Variants in ETF1 observed in about 807,000 individuals in gnomAD.
ETF1 encodes the protein eukaryotic translation termination factor 1.
In ETF1, 4 loss-of-function variants were observed where a neutral mutation model predicts 55.1. The observed-to-expected ratio is 0.07, with a 90% CI of 0.04 to 0.17. ETF1 has a LOEUF of 0.17. Ranked by LOEUF, ETF1 falls within the 10% of genes least tolerant of loss-of-function variation. The probability of loss-of-function intolerance (pLI) is 1.00; values close to 1 mark genes in which losing one functional copy is unlikely to be tolerated. For synonymous variants in ETF1, 157 were observed against 182.3 expected (o/e 0.86, Z 1.12); for missense variants, 142 against 523.6 (o/e 0.27, Z 7.11).
In ETF1 at chr5:138,508,405, A is replaced by T. The variant is rs749160869; in HGVS notation, c.1232-18T>A. On this transcript the variant is annotated intron_variant, in intron 10 of 10. Transcript: ENST00000360541. ...CAAGATACCTGGGGAAACAAACCAAAAGGTAAATTACCTGTGTTCATGGGA... is the reference window on the plus strand; with the variant it reads ...CAAGATACCTGGGGAAACAAACCAATAGGTAAATTACCTGTGTTCATGGGA... The T allele has an allele frequency of 2.7e-5, 44 of 1,613,130 alleles. No homozygotes were observed. Among genetic ancestry groups the T allele is most frequent in the Non-Finnish European group, 3.6e-5 (42 of 1,179,548 alleles).
intron 4 of ETF1, chr5:138,513,970 G>C (rs154068): frequency 0.96 from 846,288 of 883,346 alleles, 405,543 homozygotes; most frequent in East Asian, 0.99. Context: ...TATAAAACCA[G>C]AAAGATATCT....
rs201164792 is a variant in ETF1 at position 138,513,533 on chromosome 5, A to G, written c.541+35T>C. 10 of 1,535,624 alleles carry G rather than the reference A, an allele frequency of 6.5e-6. No individual in the cohort carries two copies. The East Asian group carries it at 2.3e-4, about 35-fold the overall frequency. Reference sequence around the variant, plus strand: ...ATACTGTTTTCTTATTGCTAGACACAAAGTAAGTGGGTTCATGTTCTCCTC... The same window carrying G: ...ATACTGTTTTCTTATTGCTAGACACGAAGTAAGTGGGTTCATGTTCTCCTC... On this transcript the variant is annotated intron_variant, in intron 5 of 10. Coordinates refer to ENST00000360541, the MANE Select transcript of ETF1 (RefSeq NM_004730.4).
intron 6 of ETF1, among the ~76,000 whole-genome samples, chr5:138,512,246 ATATATATATATATTTT>A (rs1424642979): frequency 1.4e-3 from 13 of 9,316 alleles, no homozygotes; most frequent in African/African-American, 4.0e-3. Context: ...ATATATATAT[ATATATATATATATTTT>A]TTTTTTTTTT....
rs1353762885 is a variant in ETF1, at chr5:138,507,893, TA to T, written c.*411del. On this transcript the variant is annotated 3_prime_UTR_variant, in exon 11 of 11. Coordinates refer to ENST00000360541, the MANE Select transcript of ETF1 (RefSeq NM_004730.4). ...CAATTTAATTTTTCTCCAATCAAAATAAGAAACAAACCAGTATGATCTCACT... is the reference window on the plus strand; with the variant it reads ...CAATTTAATTTTTCTCCAATCAAAATAGAAACAAACCAGTATGATCTCACT... 1 of 160,076 alleles carries T rather than the reference TA, an allele frequency of 6.2e-6. No individual in the cohort carries two copies. The highest frequency in any genetic ancestry group is 1.4e-5 in the Non-Finnish European group (1 of 73,048). 9.9% of individuals were successfully genotyped at this position (160,076 alleles called of 1,614,324 possible).
At chr5:138,529,692 C>G (rs1440093708) in intron 2 of ETF1, 4 of 984,730 alleles carry the variant, frequency 4.1e-6, no homozygotes, top group Middle Eastern at 5.2e-4. Flanking sequence ...AAAAATCAAA[C>G]AGGTGAAAAA....
intron 2 of ETF1, among the ~76,000 whole-genome samples, chr5:138,539,782 G>T (rs756232180): frequency 5.3e-5 from 8 of 152,136 alleles, no homozygotes; most frequent in Non-Finnish European, 7.4e-5. Flanking sequence ...TTATAGCTCA[G>T]ACTACATTTT....
At chr5:138,541,662 T>C (rs1766181254) in intron 2 of ETF1, 3 of 1,497,108 alleles carry the variant, frequency 2.0e-6, no homozygotes, top group East Asian at 5.0e-5. Context: ...TGTCAAATTC[T>C]TGTGCTGAAA....
chr5:138,522,243 T>C (rs545579660), intron 2 of ETF1, among the ~76,000 whole-genome samples: 1 of 152,170 alleles, frequency 6.6e-6, no homozygotes, highest in African/African-American at 2.4e-5. Flanking sequence ...ATGCAAATCA[T>C]ATTATCTCTT....
At chr5:138,518,610 TG>T in intron 3 of ETF1, 81 bp downstream of exon 3, 1 of 1,181,518 alleles carries the variant, frequency 8.5e-7, no homozygotes, top group Admixed American at 2.1e-5. Flanking sequence ...GGAACATTAG[TG>T]AACAAAGCAC....
At chr5:138,526,224 G>A (rs1156877225) in intron 2 of ETF1, among the ~76,000 whole-genome samples, 4 of 152,092 alleles carry the variant, frequency 2.6e-5, no homozygotes, top group African/African-American at 9.7e-5. Context: ...AAAGAAATCA[G>A]AAAGCTGGTT....
At chr5:138,527,692 G>A (rs1012633255) in intron 2 of ETF1, among the ~76,000 whole-genome samples, 1 of 152,078 alleles carries the variant, frequency 6.6e-6, no homozygotes, top group Non-Finnish European at 1.5e-5. Flanking sequence ...GAAAACACTT[G>A]AGTACCAATT....
intron 2 of ETF1, among the ~76,000 whole-genome samples, chr5:138,535,874 C>CAAAAAAA (rs35261297): frequency 6.9e-5 from 4 of 57,842 alleles, no homozygotes; most frequent in Admixed American, 3.3e-4. Flanking sequence ...GACTCCGCCT[C>CAAAAAAA]AAAAAAAAAA....
At chr5:138,540,701 G>C in intron 2 of ETF1, among the ~76,000 whole-genome samples, 1 of 152,142 alleles carries the variant, frequency 6.6e-6, no homozygotes, top group Non-Finnish European at 1.5e-5. Context: ...ATTTTAGACA[G>C]CTTAATCATG....
At chr5:138,522,233 A>G (rs969786430) in intron 2 of ETF1, among the ~76,000 whole-genome samples, 11 of 152,162 alleles carry the variant, frequency 7.2e-5, no homozygotes, top group African/African-American at 2.4e-4. Context: ...GAGAAAATAT[A>G]TGCAAATCAT....
At chr5:138,510,695 A>T in intron 8 of ETF1, 66 bp from the exon 9 acceptor site, 1 of 1,591,534 alleles carries the variant, frequency 6.3e-7, no homozygotes, top group South Asian at 1.1e-5. Context: ...TAAGCTCCAT[A>T]AGATGAGGTT....
intron 2 of ETF1, chr5:138,541,758 T>A: frequency 1.4e-4 from 18 of 127,454 alleles, no homozygotes; most frequent in Non-Finnish European, 2.3e-4. Context: ...TTCCAAACAC[T>A]TTTTTTTGGG....
chr5:138,525,245 C>G (rs1054996489), intron 2 of ETF1, among the ~76,000 whole-genome samples: 2 of 151,904 alleles, frequency 1.3e-5, no homozygotes, highest in Non-Finnish European at 2.9e-5. Context: ...GCAGCCTCCA[C>G]CTCCTGGGTT....
chr5:138,515,129 A>G (rs1230614073), intron 4 of ETF1, among the ~76,000 whole-genome samples: 2 of 152,220 alleles, frequency 1.3e-5, no homozygotes, highest in Non-Finnish European at 2.9e-5. Context: ...GATAGTTGGC[A>G]TTAAGACATG....
chr5:138,514,373 G>A (rs926095156), intron 4 of ETF1, among the ~76,000 whole-genome samples: 1 of 152,124 alleles, frequency 6.6e-6, no homozygotes, highest in South Asian at 2.1e-4. Context: ...GGGCAACATA[G>A]CGAAACACTG....
Sources: gnomAD v4.1 joint callset for allele counts (sites outside exome capture counted in the v4.1 genomes callset) on GRCh38, gnomAD v4.1.1 for gene constraint, MANE v1.5 for transcripts, NCBI Gene and HGNC (gene_info 2026-07-23, HGNC 2026-07-21) for gene names.